The following BBX variants were observed in gnomAD, a reference collection of about 807,000 sequenced individuals.
BBX encodes HMG box transcription factor BBX.
A neutral mutation model predicts 100.2 loss-of-function variants in BBX; 30 were observed. That is an observed-to-expected ratio of 0.30 (90% confidence interval 0.22 to 0.41). The LOEUF is 0.41. Ranked by LOEUF, BBX falls within the 10% of genes least tolerant of loss-of-function variation. BBX has a pLI of 1.00. For missense variants in BBX, 1,023 were observed against 1,129.8 expected (o/e 0.91, Z 1.35); for synonymous variants, 376 against 388.1 (o/e 0.97, Z 0.37).
intron 17 of BBX, among the ~76,000 whole-genome samples, chr3:107,802,231 G>T (rs1576891397): frequency 6.6e-6 from 1 of 152,218 alleles, no homozygotes; most frequent in South Asian, 2.1e-4. Context: ...CCAGCTGTAG[G>T]CCCCATGCTC....
At chr3:107,648,171 GT>G (rs761529679) in intron 3 of BBX, among the ~76,000 whole-genome samples, 14 of 152,098 alleles carry the variant, frequency 9.2e-5, no homozygotes, top group Non-Finnish European at 1.6e-4. Context: ...AAATTAATCT[GT>G]TTAACATGTC....
intron 5 of BBX, among the ~76,000 whole-genome samples, chr3:107,726,203 A>G (rs1425534179): frequency 2.0e-5 from 3 of 152,034 alleles, no homozygotes; most frequent in African/African-American, 7.2e-5. Context: ...CAAATGATTA[A>G]GCCTTTCTAC....
At chr3:107,591,790 G>A (rs190768980) in intron 2 of BBX, among the ~76,000 whole-genome samples, 219 of 152,234 alleles carry the variant, frequency 1.4e-3, no homozygotes, top group African/African-American at 5.1e-3. Context: ...GCCAGTAAAT[G>A]TTACATCTAC....
At chr3:107,563,593 A>AT (rs934129185) in intron 2 of BBX, among the ~76,000 whole-genome samples, 22 of 152,254 alleles carry the variant, frequency 1.4e-4, no homozygotes, top group South Asian at 6.2e-4. Flanking sequence ...ACATGAATAC[A>AT]TTTTTTTGTG....
intron 2 of BBX, among the ~76,000 whole-genome samples, chr3:107,580,664 C>CT (rs573772353): frequency 6.6e-6 from 1 of 151,784 alleles, no homozygotes; most frequent in East Asian, 1.9e-4. Context: ...GAGTTTTGCT[C>CT]TTTTTTGCCC....
intron 2 of BBX, among the ~76,000 whole-genome samples, chr3:107,635,814 C>T (rs1249026374): frequency 6.6e-6 from 1 of 151,364 alleles, no homozygotes; most frequent in Non-Finnish European, 1.5e-5. Flanking sequence ...CTGGTTCAAG[C>T]GATTCTCCTG....
At chr3:107,570,987 TC>T (rs2051313076) in intron 2 of BBX, among the ~76,000 whole-genome samples, 1 of 152,184 alleles carries the variant, frequency 6.6e-6, no homozygotes, top group African/African-American at 2.4e-5. Context: ...AGTGTTGTTT[TC>T]TGGCTATTTA....
Position 107,769,548 on chromosome 3 carries a change from G to A in BBX, c.907-3080G>A, listed in dbSNP as rs577220265. On this transcript the variant is annotated intron_variant, in intron 10 of 17. Transcript: ENST00000325805. ...ACACCTACTGCATCTAGGTAAGAGG[G>A]ACCCAACTTTTGAAGTGTGGAAGCC... 3.3e-5 allele frequency among the ~76,000 whole-genome samples: 5 copies of A among 152,168 alleles called. No homozygotes were observed. The East Asian group carries it at 9.7e-4, about 29-fold the overall frequency.
intron 2 of BBX, among the ~76,000 whole-genome samples, chr3:107,595,913 T>C (rs987593422): frequency 2.0e-5 from 3 of 152,190 alleles, no homozygotes; most frequent in Non-Finnish European, 4.4e-5. Flanking sequence ...GCAACATAAA[T>C]AGTTGGCTAA....
intron 8 of BBX, among the ~76,000 whole-genome samples, chr3:107,746,972 T>C (rs183140500): frequency 5.6e-4 from 85 of 152,270 alleles, no homozygotes; most frequent in African/African-American, 1.9e-3. Context: ...GCTGAAGTTA[T>C]TATGATGCCC....
intron 2 of BBX, among the ~76,000 whole-genome samples, chr3:107,610,805 A>G (rs912732137): frequency 6.7e-6 from 1 of 149,324 alleles, no homozygotes; most frequent in Non-Finnish European, 1.5e-5. Context: ...TTTTTTAAGC[A>G]TTTAATCACT....
intron 7 of BBX, among the ~76,000 whole-genome samples, chr3:107,740,492 A>AGACGC (rs1402538550): frequency 6.6e-6 from 1 of 152,000 alleles, no homozygotes; most frequent in Non-Finnish European, 1.5e-5. Flanking sequence ...GCCTCCAGTC[A>AGACGC]TCCCCAGACA....
chr3:107,725,290 A>G (rs1175989998), intron 5 of BBX, among the ~76,000 whole-genome samples: 6 of 152,314 alleles, frequency 3.9e-5, no homozygotes, highest in East Asian at 3.9e-4. Flanking sequence ...GTTGCTTATC[A>G]GCTTAAGGAG....
intron 2 of BBX, among the ~76,000 whole-genome samples, chr3:107,531,863 C>G (rs1314007689): frequency 6.6e-6 from 1 of 152,168 alleles, no homozygotes; most frequent in African/African-American, 2.4e-5. Flanking sequence ...AGGGCATTCT[C>G]TCTGGTGACT....
intron 2 of BBX, among the ~76,000 whole-genome samples, chr3:107,612,864 G>T (rs1294137481): frequency 6.6e-6 from 1 of 152,210 alleles, no homozygotes. Context: ...GGTGGGTCCA[G>T]AGATGCTGTC....
chr3:107,664,902 A>G (rs2058660577), intron 3 of BBX, among the ~76,000 whole-genome samples: 1 of 152,170 alleles, frequency 6.6e-6, no homozygotes, highest in African/African-American at 2.4e-5. Flanking sequence ...TGAGTAAATG[A>G]CTCAGGTCCC....
intron 2 of BBX, among the ~76,000 whole-genome samples, chr3:107,542,853 T>C (rs1464952647): frequency 1.3e-5 from 2 of 152,158 alleles, no homozygotes; most frequent in African/African-American, 2.4e-5. Flanking sequence ...CACTCCACAA[T>C]GCATGGACCA....
chr3:107,793,896 A>G (rs1228434460), intron 15 of BBX, among the ~76,000 whole-genome samples: 1 of 152,010 alleles, frequency 6.6e-6, no homozygotes, highest in Non-Finnish European at 1.5e-5. Context: ...ATGCTTAGTA[A>G]TATGTTTAAA....
intron 4 of BBX, among the ~76,000 whole-genome samples, chr3:107,713,441 C>G (rs2061859794): frequency 6.6e-6 from 1 of 152,150 alleles, no homozygotes; most frequent in African/African-American, 2.4e-5. Context: ...TTACATCAAT[C>G]CAGCTGTGGG....
Sources: allele counts gnomAD v4.1 joint callset (sites outside exome capture counted in the v4.1 genomes callset), GRCh38; gene constraint gnomAD v4.1.1; transcripts MANE v1.5; gene names NCBI Gene and HGNC (gene_info 2026-07-23, HGNC 2026-07-21).